The following DOCK4 variants were observed in gnomAD, a reference collection of about 807,000 sequenced individuals.
DOCK4 encodes dedicator of cytokinesis 4.
Under a neutral mutation model 268.1 loss-of-function variants are expected in DOCK4, and 97 were observed. The observed-to-expected ratio is 0.36, with a 90% CI of 0.31 to 0.43. DOCK4 has a LOEUF of 0.43. Among genes scored for constraint, DOCK4 ranks in the 20% least tolerant of loss-of-function variants. The pLI is 1.00. For missense variants in DOCK4, 2,145 were observed against 2,455.7 expected (o/e 0.87, Z 2.67); for synonymous variants, 954 against 887.2 (o/e 1.08, Z -1.34).
chr7:112,194,629 AAAT>A (rs1463925487), intron 1 of DOCK4, among the ~76,000 whole-genome samples: 1 of 152,260 alleles, frequency 6.6e-6, no homozygotes, highest in Non-Finnish European at 1.5e-5. Flanking sequence ...CTCACAAAGG[AAAT>A]AATGTTTGGC....
intron 30 of DOCK4, among the ~76,000 whole-genome samples, chr7:111,805,015 A>G (rs533733853): frequency 2.6e-5 from 4 of 152,370 alleles, no homozygotes; most frequent in Non-Finnish European, 5.9e-5. Context: ...GACAGGTAGC[A>G]TGACTTAAAG....
chr7:111,982,075 A>G (rs1040573705), intron 7 of DOCK4, among the ~76,000 whole-genome samples: 1 of 152,208 alleles, frequency 6.6e-6, no homozygotes, highest in Non-Finnish European at 1.5e-5. Flanking sequence ...ATGTAAGTGC[A>G]AGTGTTGTGC....
chr7:112,128,739 C>T (rs373317321), intron 1 of DOCK4, among the ~76,000 whole-genome samples: 1 of 151,888 alleles, frequency 6.6e-6, no homozygotes, highest in African/African-American at 2.4e-5. Flanking sequence ...GAGTCATCAC[C>T]ACTCCCTAAT....
chr7:112,050,297 G>A (rs1805228769), intron 1 of DOCK4, among the ~76,000 whole-genome samples: 2 of 152,032 alleles, frequency 1.3e-5, no homozygotes, highest in African/African-American at 2.4e-5. Flanking sequence ...TGAGATAAAC[G>A]TTTCCCTGGA....
At chr7:111,934,523 G>GTTTTTGTTTTTTTTTTTTTTTTT (rs1562907282) in intron 12 of DOCK4, among the ~76,000 whole-genome samples, 2 of 83,868 alleles carry the variant, frequency 2.4e-5, no homozygotes, top group African/African-American at 8.1e-5. Context: ...TTTTGTTTTT[G>GTTTTTGTTTTTTTTTTTTTTTTT]TTTTTTTTTT....
chr7:111,847,168 C>T (rs1371464282), intron 23 of DOCK4, 42 bp from the exon 24 acceptor site: 1 of 1,609,666 alleles, frequency 6.2e-7, no homozygotes, highest in African/African-American at 1.3e-5. Flanking sequence ...TGTTGGAGTC[C>T]CACGCAATAC....
At chr7:112,008,555 T>C (rs867338777) in intron 1 of DOCK4, among the ~76,000 whole-genome samples, 1 of 152,218 alleles carries the variant, frequency 6.6e-6, no homozygotes, top group Non-Finnish European at 1.5e-5. Flanking sequence ...AATGATGCAG[T>C]GAAATGGGGA....
At chr7:111,735,409 C>A (rs1795406289) in intron 50 of DOCK4, among the ~76,000 whole-genome samples, 1 of 152,220 alleles carries the variant, frequency 6.6e-6, no homozygotes, top group African/African-American at 2.4e-5. Context: ...AACTACAAAT[C>A]TTTACACTGG....
chr7:111,734,112 A>T (rs963745899), intron 51 of DOCK4, among the ~76,000 whole-genome samples: 3 of 150,368 alleles, frequency 2.0e-5, no homozygotes, highest in African/African-American at 4.9e-5. Context: ...TAATTTTTGC[A>T]TTTTTTTTTG....
chr7:111,833,774 A>G (rs1803032556), intron 26 of DOCK4, among the ~76,000 whole-genome samples: 1 of 152,156 alleles, frequency 6.6e-6, no homozygotes, highest in Admixed American at 6.5e-5. Flanking sequence ...AAAAATCAAC[A>G]ATTTCTTCCC....
intron 1 of DOCK4, among the ~76,000 whole-genome samples, chr7:112,154,986 A>T (rs1816479880): frequency 6.6e-6 from 1 of 152,226 alleles, no homozygotes; most frequent in Admixed American, 6.5e-5. Flanking sequence ...ACTCACTGGC[A>T]GTTTCCCAAA....
chr7:111,921,058 T>A (rs1793093534), intron 12 of DOCK4, among the ~76,000 whole-genome samples: 1 of 152,194 alleles, frequency 6.6e-6, no homozygotes, highest in Non-Finnish European at 1.5e-5. Flanking sequence ...TAAATAATAT[T>A]TTAAGTCACT....
chr7:111,983,947 G>A (rs533269669), intron 7 of DOCK4, among the ~76,000 whole-genome samples: 4 of 151,744 alleles, frequency 2.6e-5, no homozygotes, highest in Middle Eastern at 3.4e-3. Context: ...GAGCCAAGAC[G>A]AAACACCCAT....
chr7:112,095,977 C>A (rs1456321892), intron 1 of DOCK4, among the ~76,000 whole-genome samples: 1 of 138,388 alleles, frequency 7.2e-6, no homozygotes, highest in Non-Finnish European at 1.6e-5. Flanking sequence ...GTAATCCCAG[C>A]TACTCAGGAG....
intron 23 of DOCK4, among the ~76,000 whole-genome samples, chr7:111,860,394 T>G (rs1805407896): frequency 6.6e-6 from 1 of 152,236 alleles, no homozygotes; most frequent in African/African-American, 2.4e-5. Context: ...CCAGCCCATC[T>G]TATACATCAC....
At chr7:112,125,276 T>C (rs1317794370) in intron 1 of DOCK4, among the ~76,000 whole-genome samples, 1 of 152,192 alleles carries the variant, frequency 6.6e-6, no homozygotes, top group African/African-American at 2.4e-5. Flanking sequence ...ACCCTCTCTA[T>C]CATGTCATTT....
In DOCK4 at chr7:111,940,329, C is replaced by T. The variant is rs1012682765; in HGVS notation, c.845-87G>A. Reference sequence around the variant, plus strand: ...GCGAAACATACAGCTATAAGATAGGCCATTGAAATGTAATTGGGCAATAAA... The same window carrying T: ...GCGAAACATACAGCTATAAGATAGGTCATTGAAATGTAATTGGGCAATAAA... On this transcript the variant is annotated intron_variant, in intron 10 of 52. Coordinates refer to ENST00000428084, the MANE Select transcript of DOCK4 (RefSeq NM_001363540.2). The T allele has an allele frequency of 1.1e-5, 17 of 1,554,370 alleles. No individual in the cohort carries two copies. The Middle Eastern group carries it at 6.8e-4, about 62-fold the overall frequency.
At chr7:112,070,105 T>C (rs190306628) in intron 1 of DOCK4, among the ~76,000 whole-genome samples, 11 of 152,202 alleles carry the variant, frequency 7.2e-5, no homozygotes, top group African/African-American at 2.4e-4. Context: ...GTGTGGAAGA[T>C]GGATTAGATG....
At chr7:111,841,300 G>A (rs1345655136) in intron 25 of DOCK4, among the ~76,000 whole-genome samples, 1 of 151,922 alleles carries the variant, frequency 6.6e-6, no homozygotes, top group Non-Finnish European at 1.5e-5. Flanking sequence ...GAGTAGCTGG[G>A]GTTACAGGTA....
Sources: gnomAD v4.1 joint callset for allele counts (sites outside exome capture counted in the v4.1 genomes callset) on GRCh38, gnomAD v4.1.1 for gene constraint, MANE v1.5 for transcripts, NCBI Gene and HGNC (gene_info 2026-07-23, HGNC 2026-07-21) for gene names.